The following SLC25A13 variants were observed in gnomAD, a reference collection of about 807,000 sequenced individuals.
SLC25A13 encodes the protein electrogenic aspartate/glutamate antiporter SLC25A13, mitochondrial.
Under a neutral mutation model 85.5 loss-of-function variants are expected in SLC25A13, and 70 were observed. The observed-to-expected ratio is 0.82, with a 90% CI of 0.68 to 1.00. SLC25A13 has a LOEUF of 1.00. Among genes scored for constraint, SLC25A13 ranks in the 50% least tolerant of loss-of-function variants. The pLI is 0.00. For synonymous variants in SLC25A13, 259 were observed against 288.7 expected (o/e 0.90, Z 1.04); for missense variants, 765 against 819.8 (o/e 0.93, Z 0.82).
chr7:96,262,583 A>C (rs1338908081), intron 3 of SLC25A13, among the ~76,000 whole-genome samples: 1 of 152,190 alleles, frequency 6.6e-6, no homozygotes, highest in African/African-American at 2.4e-5. Flanking sequence ...ATGGGTGACG[A>C]AGAGCCTCTC....
rs192037902 is a variant in SLC25A13, at chr7:96,143,954, C to A, written c.1452+2602G>T. 2.2e-3 allele frequency among the ~76,000 whole-genome samples: 334 copies of A among 152,280 alleles called. 2 individuals carry two copies. Among genetic ancestry groups the A allele is most frequent in the Non-Finnish European group, 7.5e-4 (51 of 68,014 alleles). ...AGTGGTTCTTCTTTTTAAAGACCCA[C>A]CTGGAGGGACACATACCAGGTTTAA... On this transcript the variant is annotated intron_variant, in intron 14 of 17. Coordinates refer to ENST00000265631, the MANE Select transcript of SLC25A13 (RefSeq NM_014251.3).
chr7:96,238,745 C>G (rs1440550172), intron 3 of SLC25A13, among the ~76,000 whole-genome samples: 3 of 152,020 alleles, frequency 2.0e-5, no homozygotes, highest in Admixed American at 6.6e-5. Context: ...CCCACAGCCA[C>G]GCAGCCACAC....
At chr7:96,321,878 A>G in intron 1 of SLC25A13, 64 bp downstream of exon 1, 1 of 1,485,728 alleles carries the variant, frequency 6.7e-7, no homozygotes, top group Non-Finnish European at 9.0e-7. Flanking sequence ...TGAGCGCCCG[A>G]GCCTCTCGCA....
At chr7:96,233,546 T>C (rs889172492) in intron 4 of SLC25A13, among the ~76,000 whole-genome samples, 2 of 152,354 alleles carry the variant, frequency 1.3e-5, no homozygotes. Flanking sequence ...ATTTAACCTT[T>C]AATTCTGTCA....
At chr7:96,260,117 T>C (rs946134609) in intron 3 of SLC25A13, among the ~76,000 whole-genome samples, 3 of 151,990 alleles carry the variant, frequency 2.0e-5, no homozygotes, top group Non-Finnish European at 2.9e-5. Context: ...GCTGGGTTGA[T>C]GGGTGCAGCA....
At chr7:96,282,011 G>A (rs776844570) in intron 2 of SLC25A13, among the ~76,000 whole-genome samples, 9 of 152,000 alleles carry the variant, frequency 5.9e-5, no homozygotes, top group African/African-American at 1.5e-4. Context: ...TAGGGGGAAC[G>A]GACTATATCC....
chr7:96,236,838 C>A (rs1336914386), intron 3 of SLC25A13, among the ~76,000 whole-genome samples: 1 of 152,146 alleles, frequency 6.6e-6, no homozygotes, highest in Non-Finnish European at 1.5e-5. Context: ...CCATTTGTTA[C>A]AGTTCTCTCT....
At chr7:96,263,522 G>A (rs1797935278) in intron 3 of SLC25A13, among the ~76,000 whole-genome samples, 1 of 151,956 alleles carries the variant, frequency 6.6e-6, no homozygotes, top group Admixed American at 6.6e-5. Context: ...TAAGCAGGTT[G>A]GGTAGATCCC....
chr7:96,316,069 A>C (rs1188353285), intron 1 of SLC25A13, among the ~76,000 whole-genome samples: 1 of 152,058 alleles, frequency 6.6e-6, no homozygotes, highest in Admixed American at 6.6e-5. Flanking sequence ...GGCTAGAGTG[A>C]GCAATAATCA....
intron 4 of SLC25A13, among the ~76,000 whole-genome samples, chr7:96,233,758 A>G (rs955350003): frequency 3.3e-5 from 5 of 152,222 alleles, no homozygotes; most frequent in African/African-American, 1.2e-4. Context: ...CAACACTGTT[A>G]CACCATCTGT....
chr7:96,121,652 T>G lies in SLC25A13; in HGVS notation c.1841+3A>C, dbSNP rs999988725. ...TTAGCAGCAGATTTAGCATGATACT[T>G]ACACTCCTCCAAAATCAATGTAGAA... On this transcript the variant is annotated splice_donor_region_variant and intron_variant, in intron 17 of 17. Transcript: ENST00000265631. The G allele has an allele frequency of 6.2e-7, 1 of 1,614,068 alleles. No individual in the cohort carries two copies. The highest frequency in any genetic ancestry group is 8.5e-7 in the Non-Finnish European group (1 of 1,179,956).
At chr7:96,261,973 G>C (rs1279514399) in intron 3 of SLC25A13, among the ~76,000 whole-genome samples, 2 of 152,124 alleles carry the variant, frequency 1.3e-5, no homozygotes, top group Non-Finnish European at 2.9e-5. Flanking sequence ...TGCGATAAAA[G>C]CATTAATATG....
intron 14 of SLC25A13, among the ~76,000 whole-genome samples, chr7:96,140,652 A>G (rs1334767731): frequency 6.8e-6 from 1 of 147,398 alleles, no homozygotes; most frequent in South Asian, 2.2e-4. Context: ...ATCTGCCCGC[A>G]TCGGTCTCCC....
rs1204307060 is a variant in SLC25A13 at position 96,146,619 on chromosome 7, G to A, written c.1389C>T (p.Thr463=). 1.2e-6 allele frequency: 2 copies of A among 1,614,016 alleles called. No homozygotes were observed. Among genetic ancestry groups the A allele is most frequent in the Non-Finnish European group, 1.7e-6 (2 of 1,179,994 alleles). ...KIRLQVAGEI[T]TGPRVSALSV... ...ACAGAGCACTGACTCGAGGACCAGT[G>A]GTGATTTCTCCTGCCACTTGCAAAC... Residue 463 remains threonine, a synonymous_variant, in exon 14 of 18, where the codon ACC becomes ACT. Coordinates refer to ENST00000265631, the MANE Select transcript of SLC25A13 (RefSeq NM_014251.3).
intron 15 of SLC25A13, among the ~76,000 whole-genome samples, chr7:96,122,200 C>T (rs1791542429): frequency 6.6e-6 from 1 of 152,236 alleles, no homozygotes; most frequent in African/African-American, 2.4e-5. Context: ...ACCAGACTCA[C>T]ACCTTCCCTT....
chr7:96,264,232 A>G (rs138254435), intron 3 of SLC25A13, among the ~76,000 whole-genome samples: 1 of 152,242 alleles, frequency 6.6e-6, no homozygotes. Context: ...AACTGGTCTC[A>G]CTTTAAATTT....
intron 11 of SLC25A13, among the ~76,000 whole-genome samples, chr7:96,174,601 A>G (rs1278242617): frequency 6.6e-6 from 1 of 152,182 alleles, no homozygotes; most frequent in Non-Finnish European, 1.5e-5. Flanking sequence ...TGCTAGATGT[A>G]TTTTTCTCAT....
intron 11 of SLC25A13, among the ~76,000 whole-genome samples, chr7:96,173,496 C>A (rs1051246143): frequency 1.3e-5 from 2 of 152,242 alleles, no homozygotes; most frequent in African/African-American, 4.8e-5. Context: ...GCATCTCACA[C>A]ACCCAGCTGC....
intron 3 of SLC25A13, among the ~76,000 whole-genome samples, chr7:96,264,488 A>G: frequency 6.6e-6 from 1 of 152,152 alleles, no homozygotes; most frequent in East Asian, 1.9e-4. Flanking sequence ...TCTAGTCTCT[A>G]TCTTCTCTTC....
Sources: allele counts gnomAD v4.1 joint callset (sites outside exome capture counted in the v4.1 genomes callset), GRCh38; gene constraint gnomAD v4.1.1; transcripts MANE v1.5; gene names NCBI Gene and HGNC (gene_info 2026-07-23, HGNC 2026-07-21).